The following PGM5 variants were observed in gnomAD, a reference collection of about 807,000 sequenced individuals.
PGM5 encodes phosphoglucomutase-like protein 5.
In PGM5, 23 loss-of-function variants were observed where a neutral mutation model predicts 59.2. The ratio of observed to expected loss-of-function variants is 0.39; its 90% CI spans 0.28 to 0.55. PGM5 has a LOEUF of 0.55. Among genes scored for constraint, PGM5 ranks in the 20% least tolerant of loss-of-function variants. PGM5 has a pLI of 0.66. For missense variants in PGM5, 574 were observed against 748.3 expected (o/e 0.77, Z 2.72); for synonymous variants, 214 against 286.0 (o/e 0.75, Z 2.54).
Position 68,479,405 on chromosome 9 carries a change from C to T in PGM5, c.1160-13C>T. On this transcript the variant is annotated splice_polypyrimidine_tract_variant and intron_variant, in intron 7 of 10. Transcript: ENST00000396396. ...CAAATGAATGCTCAGCAGAATTTTT[C>T]TTTCACCTTTAGGCTCTGACCACCT... 1 of 1,591,442 alleles carries T rather than the reference C, an allele frequency of 6.3e-7. No individual in the cohort carries two copies. Among genetic ancestry groups the T allele is most frequent in the South Asian group, 1.1e-5 (1 of 88,526 alleles).
At chr9:68,509,626 C>G (rs1434869823) in intron 10 of PGM5, among the ~76,000 whole-genome samples, 22 of 152,168 alleles carry the variant, frequency 1.4e-4, no homozygotes, top group African/African-American at 5.3e-4. Flanking sequence ...GCGCCAGCGT[C>G]GGACAGGAGG....
At chr9:68,362,529 T>C (rs1554676341) in intron 1 of PGM5, among the ~76,000 whole-genome samples, 1 of 152,244 alleles carries the variant, frequency 6.6e-6, no homozygotes, top group Non-Finnish European at 1.5e-5. Context: ...ACCAATCATG[T>C]GAAGAGTAAA....
intron 6 of PGM5, among the ~76,000 whole-genome samples, chr9:68,430,232 G>A (rs1823320073): frequency 6.6e-6 from 1 of 151,912 alleles, no homozygotes; most frequent in African/African-American, 2.4e-5. Context: ...TCTGCAGGTT[G>A]AGTTTTTCAG....
At chr9:68,382,057 A>G (rs1822092420) in intron 2 of PGM5, among the ~76,000 whole-genome samples, 1 of 151,342 alleles carries the variant, frequency 6.6e-6, no homozygotes, top group Admixed American at 6.6e-5. Flanking sequence ...GGAGCCCCCA[A>G]AAACCAAAGC....
chr9:68,506,055 A>C (rs1199679797), intron 10 of PGM5, among the ~76,000 whole-genome samples: 1 of 152,234 alleles, frequency 6.6e-6, no homozygotes, highest in Non-Finnish European at 1.5e-5. Flanking sequence ...ATTGAGGACA[A>C]ACACCACATG....
intron 8 of PGM5, among the ~76,000 whole-genome samples, chr9:68,481,518 C>G (rs563609169): frequency 6.6e-6 from 1 of 152,310 alleles, no homozygotes; most frequent in South Asian, 2.1e-4. Flanking sequence ...AAACGTCCAA[C>G]CTGACAAAAT....
At chr9:68,496,035 C>A (rs1191319909) in intron 9 of PGM5, among the ~76,000 whole-genome samples, 1 of 152,146 alleles carries the variant, frequency 6.6e-6, no homozygotes. Context: ...ACGACTGTGC[C>A]CCAGTACAAC....
Position 68,530,776 on chromosome 9 carries a change from G to A in PGM5, c.*1120G>A, listed in dbSNP as rs931493. On this transcript the variant is annotated 3_prime_UTR_variant, in exon 11 of 11. Coordinates refer to ENST00000396396, the MANE Select transcript of PGM5 (RefSeq NM_021965.4). The stretch of plus-strand genomic sequence containing the variant: ...CCTCACTTGGGAAAAGGGTACTGCC[G>A]GTCTAGCAGCCTCCTCTGTACTCAG... 3,327 of 152,340 alleles carry A rather than the reference G, an allele frequency of 0.022. 51 individuals carry two copies. The highest frequency in any genetic ancestry group is 0.04 in the Admixed American group (619 of 15,302). 9.4% of individuals were successfully genotyped at this position (152,340 alleles called of 1,614,324 possible).
intron 3 of PGM5, among the ~76,000 whole-genome samples, chr9:68,384,996 A>T (rs1822178540): frequency 6.6e-6 from 1 of 152,028 alleles, no homozygotes; most frequent in Admixed American, 6.6e-5. Context: ...ATGCATAATT[A>T]TTGATCACCT....
intron 2 of PGM5, among the ~76,000 whole-genome samples, chr9:68,380,459 A>G (rs1822039017): frequency 6.6e-6 from 1 of 151,966 alleles, no homozygotes; most frequent in Admixed American, 6.6e-5. Context: ...GTTCTAAGAG[A>G]GAAGTTTATA....
At chr9:68,443,181 C>T (rs1184432736) in intron 6 of PGM5, among the ~76,000 whole-genome samples, 1 of 152,186 alleles carries the variant, frequency 6.6e-6, no homozygotes, top group African/African-American at 2.4e-5. Context: ...CAATGGAATA[C>T]TACTCAGCAA....
intron 6 of PGM5, among the ~76,000 whole-genome samples, chr9:68,401,548 C>T (rs1822666757): frequency 6.6e-6 from 1 of 151,768 alleles, no homozygotes; most frequent in African/African-American, 2.4e-5. Context: ...GAAAGAAGCT[C>T]CTTAGAATCG....
intron 10 of PGM5, among the ~76,000 whole-genome samples, chr9:68,507,697 CTT>C (rs1824679849): frequency 6.6e-6 from 1 of 151,270 alleles, no homozygotes; most frequent in Non-Finnish European, 1.5e-5. Context: ...ATAACTGGCT[CTT>C]GGGGCGGAAT....
chr9:68,453,559 A>G (rs954321812), intron 6 of PGM5, among the ~76,000 whole-genome samples: 41 of 151,770 alleles, frequency 2.7e-4, no homozygotes, highest in Non-Finnish European at 1.3e-4. Context: ...GTGGTCTCAA[A>G]CTCCTGGGCT....
intron 10 of PGM5, among the ~76,000 whole-genome samples, chr9:68,529,164 CGTGTGTGTGTGTGTGTGTGT>C (rs3223716): frequency 5.3e-5 from 7 of 131,862 alleles, no homozygotes; most frequent in African/African-American, 1.7e-4. Flanking sequence ...CTTTTATTCT[CGTGTGTGTGTGTGTGTGTGT>C]GTGTGTGTGT....
intron 6 of PGM5, among the ~76,000 whole-genome samples, chr9:68,461,425 T>A (rs1375694520): frequency 6.6e-6 from 1 of 152,196 alleles, no homozygotes; most frequent in Admixed American, 6.5e-5. Flanking sequence ...GTTGACCACG[T>A]AGCAGTCGTT....
At chr9:68,461,743 T>C (rs1157414088) in intron 6 of PGM5, among the ~76,000 whole-genome samples, 1 of 151,918 alleles carries the variant, frequency 6.6e-6, no homozygotes, top group Non-Finnish European at 1.5e-5. Flanking sequence ...GGGAAATAAA[T>C]TTCTATTTTT....
intron 1 of PGM5, 39 bp downstream of exon 1, chr9:68,357,427 C>T: frequency 2.6e-6 from 4 of 1,544,544 alleles, no homozygotes; most frequent in Non-Finnish European, 3.5e-6. Flanking sequence ...GCCGCGCCGC[C>T]GCCATGCCCT....
chr9:68,517,307 T>TA (rs1824838621), intron 10 of PGM5, among the ~76,000 whole-genome samples: 1 of 152,142 alleles, frequency 6.6e-6, no homozygotes, highest in South Asian at 2.1e-4. Flanking sequence ...GCTGGGCTCT[T>TA]ACGCAAATCT....
Sources: gnomAD v4.1 joint callset for allele counts (sites outside exome capture counted in the v4.1 genomes callset) on GRCh38, gnomAD v4.1.1 for gene constraint, MANE v1.5 for transcripts, NCBI Gene and HGNC (gene_info 2026-07-23, HGNC 2026-07-21) for gene names.